TRABD2B: variants seen among roughly 807,000 people sequenced by gnomAD.
TRABD2B encodes the protein metalloprotease TIKI2.
In TRABD2B, 14 loss-of-function variants were observed where a neutral mutation model predicts 40.1. The observed-to-expected ratio is 0.35, with a 90% CI of 0.23 to 0.55. The LOEUF (loss-of-function observed/expected upper bound fraction) is 0.55, where lower values mean the gene tolerates loss of function less well. TRABD2B is among the 20% of genes least tolerant of loss of function. The probability of loss-of-function intolerance (pLI) is 0.90; values close to 1 mark genes in which losing one functional copy is unlikely to be tolerated. For missense variants in TRABD2B, 541 were observed against 648.6 expected, an observed-to-expected ratio of 0.83 and a Z score of 1.80; for synonymous variants, 263 against 277.0, an observed-to-expected ratio of 0.95 and a Z score of 0.50.
chr1:47,840,208 C>A (rs191552863), intron 2 of TRABD2B, among the ~76,000 whole-genome samples: 1 of 152,302 alleles, frequency 6.6e-6, no homozygotes, highest in Non-Finnish European at 1.5e-5. Flanking sequence ...ACGCTCACTC[C>A]AGGGCCGTCC....
chr1:47,921,810 C>G (rs973594259), intron 2 of TRABD2B, among the ~76,000 whole-genome samples: 2 of 152,034 alleles, frequency 1.3e-5, no homozygotes, highest in African/African-American at 4.8e-5. Flanking sequence ...AATAAAGGAC[C>G]CTGAATCCAA....
rs112158536 is a variant in TRABD2B, at chr1:47,791,582, C to T, written c.988+3004G>A. Among the ~76,000 whole-genome samples the T allele has an allele frequency of 3.2e-4, 49 of 152,254 alleles. 1 individual carries two copies. The highest frequency in any genetic ancestry group is 1.0e-3 in the African/African-American group (43 of 41,540). On this transcript the variant is annotated intron_variant, in intron 4 of 6. Coordinates refer to ENST00000606738, the MANE Select transcript of TRABD2B (RefSeq NM_001194986.2). ...ACTGAGTCCCAGGGTCCCCACTGCC[C>T]GGCAGTCCGGGGACAGAACTGCAGG...
At position 47,886,965 on chromosome 1, in the gene TRABD2B, A is replaced by G. The variant is rs537866973; in HGVS notation, c.667-85346T>C. Among the ~76,000 whole-genome samples, 201 of 152,212 alleles carry G rather than the reference A, an allele frequency of 1.3e-3. 1 individual carries two copies. Among genetic ancestry groups the G allele is most frequent in the Middle Eastern group, 3.4e-3 (1 of 294 alleles). On this transcript the variant is annotated intron_variant, in intron 2 of 6. Coordinates refer to ENST00000606738, the MANE Select transcript of TRABD2B (RefSeq NM_001194986.2). ...ACAGTTTTGAGAACATGGAAGTGGG[A>G]GTGGGGTGGCGCAGAGAAAGCACTG... is the stretch of plus-strand genomic sequence containing the variant.
chr1:47,880,397 C>T (rs1480928616), intron 2 of TRABD2B, among the ~76,000 whole-genome samples: 2 of 152,128 alleles, frequency 1.3e-5, no homozygotes, highest in Non-Finnish European at 2.9e-5. Context: ...CAGTCAATTC[C>T]TTTTGGGTGA....
intron 2 of TRABD2B, among the ~76,000 whole-genome samples, chr1:47,988,570 G>T (rs1645954486): frequency 6.6e-6 from 1 of 152,164 alleles, no homozygotes; most frequent in Non-Finnish European, 1.5e-5. Flanking sequence ...AAGCCTGGCA[G>T]CAGGATCACC....
intron 2 of TRABD2B, among the ~76,000 whole-genome samples, chr1:47,874,880 G>A (rs1224642781): frequency 6.6e-6 from 1 of 152,098 alleles, no homozygotes; most frequent in Non-Finnish European, 1.5e-5. Context: ...ACTGTGCCCA[G>A]CCTGCACTCT....
intron 2 of TRABD2B, among the ~76,000 whole-genome samples, chr1:47,822,292 C>A (rs1014698266): frequency 6.6e-6 from 1 of 152,222 alleles, no homozygotes; most frequent in Non-Finnish European, 1.5e-5. Flanking sequence ...CGGGAAAGAA[C>A]TCTCCACCTT....
chr1:47,956,167 C>T (rs1645418499), intron 2 of TRABD2B, among the ~76,000 whole-genome samples: 1 of 152,156 alleles, frequency 6.6e-6, no homozygotes, highest in Non-Finnish European at 1.5e-5. Context: ...GCCTCTACCA[C>T]CATAGAAACC....
intron 2 of TRABD2B, among the ~76,000 whole-genome samples, chr1:47,832,610 T>C (rs796818394): frequency 6.6e-6 from 1 of 152,216 alleles, no homozygotes; most frequent in African/African-American, 2.4e-5. Flanking sequence ...GCTGAAGGGC[T>C]GCACTGTGAC....
chr1:47,853,864 C>T (rs1023120879), intron 2 of TRABD2B, among the ~76,000 whole-genome samples: 54 of 152,212 alleles, frequency 3.5e-4, no homozygotes, highest in African/African-American at 1.2e-3. Context: ...CAAGTCGTAG[C>T]TAGAGTGGAC....
chr1:47,953,748 T>C (rs914900593), intron 2 of TRABD2B, among the ~76,000 whole-genome samples: 4 of 152,242 alleles, frequency 2.6e-5, no homozygotes, highest in African/African-American at 9.6e-5. Flanking sequence ...CCTTTATGCC[T>C]GGCTTCAGAA....
intron 2 of TRABD2B, among the ~76,000 whole-genome samples, chr1:47,954,327 C>G (rs1448240256): frequency 1.3e-5 from 2 of 152,186 alleles, no homozygotes; most frequent in Non-Finnish European, 2.9e-5. Flanking sequence ...CATTTCCCTC[C>G]CTTTCCCTGG....
chr1:47,801,438 T>C, intron 3 of TRABD2B, 35 bp downstream of exon 3: 1 of 1,529,170 alleles, frequency 6.5e-7, no homozygotes, highest in Non-Finnish European at 8.8e-7. Flanking sequence ...ATCTAATAAA[T>C]GCCAGGTATC....
At chr1:47,968,864 T>C (rs903393964) in intron 2 of TRABD2B, among the ~76,000 whole-genome samples, 4 of 152,218 alleles carry the variant, frequency 2.6e-5, no homozygotes, top group African/African-American at 9.7e-5. Context: ...TTGTTTTGTT[T>C]TGGGGTTGCG....
Position 47,890,226 on chromosome 1 carries a change from C to T in TRABD2B, c.667-88607G>A, listed in dbSNP as rs1240380546. 2.0e-5 allele frequency among the ~76,000 whole-genome samples: 3 copies of T among 152,198 alleles called. No individual in the cohort carries two copies. In the East Asian group the frequency reaches 5.8e-4, roughly 29 times the overall value. ...TTGGAAATGGTAGAAGTAACTACAA[C>T]AGACTTGGGTAACAGGATCGGGGTC... On this transcript the variant is annotated intron_variant, in intron 2 of 6. Coordinates refer to ENST00000606738, the MANE Select transcript of TRABD2B (RefSeq NM_001194986.2).
chr1:47,849,452 C>T lies in TRABD2B; in HGVS notation c.667-47833G>A, dbSNP rs186761617. 6.9e-4 allele frequency among the ~76,000 whole-genome samples: 105 copies of T among 152,320 alleles called. 1 individual carries two copies. Among genetic ancestry groups the T allele is most frequent in the African/African-American group, 2.4e-3 (98 of 41,574 alleles). On this transcript the variant is annotated intron_variant, in intron 2 of 6. Transcript: ENST00000606738. The stretch of plus-strand genomic sequence containing the variant: ...AGGAAGTACATTCCTGTTGCTTCGG[C>T]CACCCAGTCTGTGGTTCTTTGTTAC...
intron 4 of TRABD2B, among the ~76,000 whole-genome samples, chr1:47,793,755 T>C (rs746824016): frequency 1.3e-4 from 20 of 152,154 alleles, no homozygotes; most frequent in Non-Finnish European, 2.2e-4. Flanking sequence ...AGTGTAAACA[T>C]AGTGTTACTG....
chr1:47,973,708 T>C (rs1481985318), intron 2 of TRABD2B, among the ~76,000 whole-genome samples: 1 of 152,244 alleles, frequency 6.6e-6, no homozygotes, highest in Admixed American at 6.5e-5. Flanking sequence ...GTCTCCCACC[T>C]GAACTATTCT....
At chr1:47,799,804 T>C (rs1425072945) in intron 3 of TRABD2B, among the ~76,000 whole-genome samples, 4 of 152,106 alleles carry the variant, frequency 2.6e-5, no homozygotes, top group African/African-American at 4.8e-5. Context: ...TGCAAAAATC[T>C]TTCCTTCTCT....
Sources: gnomAD v4.1 joint callset for allele counts (sites outside exome capture counted in the v4.1 genomes callset) on GRCh38, gnomAD v4.1.1 for gene constraint, MANE v1.5 for transcripts, NCBI Gene and HGNC (gene_info 2026-07-23, HGNC 2026-07-21) for gene names.